Variants in RBFOX1 observed in about 807,000 individuals in gnomAD.
RBFOX1 encodes RNA binding fox-1 homolog 1.
RBFOX1 carries 8 observed loss-of-function variants against 57.7 expected under a neutral mutation model. The observed-to-expected ratio is 0.14, with a 90% CI of 0.08 to 0.25. The LOEUF (loss-of-function observed/expected upper bound fraction) is 0.25. Among genes scored for constraint, RBFOX1 ranks in the 10% least tolerant of loss-of-function variants. The pLI, the probability that RBFOX1 is intolerant of heterozygous loss-of-function variation, is 1.00. For missense variants in RBFOX1, 611 were observed against 548.5 expected (o/e 1.11, Z -1.14); for synonymous variants, 326 against 222.4 (o/e 1.47, Z -4.15).
At chr16:6,918,011 G>C (rs551675054) in intron 3 of RBFOX1, among the ~76,000 whole-genome samples, 1 of 152,178 alleles carries the variant, frequency 6.6e-6, no homozygotes, top group African/African-American at 2.4e-5. Context: ...TTGTGGCCAG[G>C]TACATTAGCT....
At chr16:6,928,447 C>G (rs1454415444) in intron 3 of RBFOX1, among the ~76,000 whole-genome samples, 2 of 152,114 alleles carry the variant, frequency 1.3e-5, no homozygotes, top group African/African-American at 2.4e-5. Flanking sequence ...GCCAAGAGCT[C>G]AGGACATGCT....
chr16:5,349,831 G>T (rs573738089), intron 1 of RBFOX1, among the ~76,000 whole-genome samples: 1 of 152,354 alleles, frequency 6.6e-6, no homozygotes, highest in East Asian at 1.9e-4. Context: ...GCCCTGCTCT[G>T]AGCTGAGGCC....
intron 3 of RBFOX1, among the ~76,000 whole-genome samples, chr16:6,692,267 T>G (rs1417680278): frequency 6.6e-6 from 1 of 151,680 alleles, no homozygotes; most frequent in Admixed American, 6.6e-5. Flanking sequence ...AGTAAACGTG[T>G]GTCTGAGCTG....
intron 3 of RBFOX1, among the ~76,000 whole-genome samples, chr16:6,659,433 C>A (rs1380476276): frequency 6.6e-6 from 1 of 152,084 alleles, no homozygotes; most frequent in African/African-American, 2.4e-5. Context: ...ACTGAGAGTT[C>A]TGAACTCATC....
chr16:5,279,093 A>T (rs575377860), intron 1 of RBFOX1, among the ~76,000 whole-genome samples: 1 of 151,946 alleles, frequency 6.6e-6, no homozygotes, highest in South Asian at 2.1e-4. Flanking sequence ...TTCCATGTGA[A>T]TTTCAGGGTT....
At chr16:5,897,899 C>G (rs959374406) in intron 4 of RBFOX1, among the ~76,000 whole-genome samples, 4 of 150,092 alleles carry the variant, frequency 2.7e-5, no homozygotes, top group Non-Finnish European at 4.4e-5. Context: ...CTTTGTAACT[C>G]CAAATAATTT....
chr16:6,859,165 G>A (rs1305957627), intron 3 of RBFOX1, among the ~76,000 whole-genome samples: 34 of 54,024 alleles, frequency 6.3e-4, no homozygotes, highest in African/African-American at 1.9e-3. Flanking sequence ...ATATATATAC[G>A]TATATATATG....
intron 2 of RBFOX1, among the ~76,000 whole-genome samples, chr16:5,492,746 A>G (rs113653326): frequency 7.9e-5 from 12 of 152,348 alleles, no homozygotes; most frequent in African/African-American, 2.9e-4. Flanking sequence ...ATAGTTCATC[A>G]TTACCAAATT....
intron 3 of RBFOX1, among the ~76,000 whole-genome samples, chr16:5,622,945 T>C (rs1042004427): frequency 4.6e-5 from 7 of 152,262 alleles, no homozygotes; most frequent in South Asian, 2.1e-4. Context: ...TTGTATTGGC[T>C]ATTACAGGTA....
At chr16:7,356,378 C>A (rs2097214468) in intron 4 of RBFOX1, among the ~76,000 whole-genome samples, 1 of 152,102 alleles carries the variant, frequency 6.6e-6, no homozygotes, top group South Asian at 2.1e-4. Flanking sequence ...TCAGGTAAGG[C>A]CTCTCTGAGC....
intron 2 of RBFOX1, among the ~76,000 whole-genome samples, chr16:6,640,608 CAAAT>C (rs67228866): frequency 0.1 from 15,865 of 151,450 alleles, 922 homozygotes; most frequent in African/African-American, 0.16. Flanking sequence ...ACTCCATTGC[CAAAT>C]AAATAAATAA....
chr16:7,084,906 C>G (rs913855481), intron 4 of RBFOX1, among the ~76,000 whole-genome samples: 6 of 152,104 alleles, frequency 3.9e-5, no homozygotes, highest in Non-Finnish European at 7.3e-5. Flanking sequence ...GTCCAACCAG[C>G]CATTCAGCCA....
chr16:7,402,781 T>C (rs1568655717), intron 4 of RBFOX1, among the ~76,000 whole-genome samples: 1 of 152,156 alleles, frequency 6.6e-6, no homozygotes, highest in Non-Finnish European at 1.5e-5. Context: ...GATAGGATGG[T>C]GTAACCTCAA....
intron 2 of RBFOX1, among the ~76,000 whole-genome samples, chr16:6,557,634 C>T (rs1429880553): frequency 2.0e-5 from 3 of 152,176 alleles, no homozygotes; most frequent in African/African-American, 7.2e-5. Context: ...GATTAATTCC[C>T]ATTCTATCTC....
chr16:6,978,370 C>G (rs1251381348), intron 3 of RBFOX1, among the ~76,000 whole-genome samples: 1 of 152,172 alleles, frequency 6.6e-6, no homozygotes, highest in East Asian at 1.9e-4. Flanking sequence ...GATCTAATTA[C>G]TCATACAGAC....
At chr16:7,430,771 C>A (rs1476479817) in intron 4 of RBFOX1, among the ~76,000 whole-genome samples, 1 of 152,152 alleles carries the variant, frequency 6.6e-6, no homozygotes, top group Non-Finnish European at 1.5e-5. Context: ...ACACAGGAAG[C>A]CTGGTCGTCT....
At chr16:6,890,964 C>A (rs914204177) in intron 3 of RBFOX1, among the ~76,000 whole-genome samples, 1 of 152,172 alleles carries the variant, frequency 6.6e-6, no homozygotes, top group Non-Finnish European at 1.5e-5. Flanking sequence ...CCCTAGAATT[C>A]GTGTGGAGTC....
intron 3 of RBFOX1, among the ~76,000 whole-genome samples, chr16:6,993,906 T>G (rs1397208472): frequency 1.3e-5 from 2 of 152,168 alleles, no homozygotes; most frequent in Non-Finnish European, 2.9e-5. Flanking sequence ...GTATCTCATA[T>G]TGTATTGATT....
At chr16:6,108,684 A>T (rs1002636443) in intron 1 of RBFOX1, among the ~76,000 whole-genome samples, 1 of 152,146 alleles carries the variant, frequency 6.6e-6, no homozygotes, top group East Asian at 1.9e-4. Context: ...TAGAGGTGCT[A>T]CTGGGCCTAT....
Sources: allele counts gnomAD v4.1 joint callset (sites outside exome capture counted in the v4.1 genomes callset), GRCh38; gene constraint gnomAD v4.1.1; transcripts MANE v1.5; gene names NCBI Gene and HGNC (gene_info 2026-07-23, HGNC 2026-07-21).